Variants in WDR47 observed in about 807,000 individuals in gnomAD.
The protein encoded by WDR47 is WD repeat domain 47.
Under a neutral mutation model 97.2 loss-of-function variants are expected in WDR47, and 32 were observed. The observed-to-expected ratio is 0.33, with a 90% CI of 0.25 to 0.44. The LOEUF is 0.44. Ranked by LOEUF, WDR47 falls within the 20% of genes least tolerant of loss-of-function variation. WDR47 has a pLI of 1.00. For missense variants in WDR47, 782 were observed against 1,102.3 expected (o/e 0.71, Z 4.11); for synonymous variants, 375 against 373.5 (o/e 1.00, Z -0.05).
intron 7 of WDR47, among the ~76,000 whole-genome samples, chr1:109,001,764 T>C (rs938933789): frequency 5.3e-5 from 8 of 151,994 alleles, no homozygotes; most frequent in African/African-American, 1.9e-4. Flanking sequence ...TGGTGGTATA[T>C]GCTGTAGCGC....
At position 109,011,475 on chromosome 1, in the gene WDR47, T is replaced by C; in HGVS notation, c.571A>G (p.Asn191Asp). The C allele has an allele frequency of 6.2e-7, 1 of 1,614,194 alleles. No homozygotes were observed. Among genetic ancestry groups the C allele is most frequent in the Non-Finnish European group, 8.5e-7 (1 of 1,180,044 alleles). ...KLSEAGFKAS[N>D]NRLFQLVMKG... ...ATTACAAGCTGAAATAAACGATTGTTACTAGCCTTAAAACCAGCTTCACTT... is the reference window on the plus strand; with the variant it reads ...ATTACAAGCTGAAATAAACGATTGTCACTAGCCTTAAAACCAGCTTCACTT... Residue 191 changes from asparagine to aspartate, a missense_variant, in exon 5 of 15, where the codon AAC (asparagine) becomes GAC (aspartate). Transcript: ENST00000369962.
At chr1:109,021,972 C>T (rs541042681) in intron 2 of WDR47, among the ~76,000 whole-genome samples, 6 of 151,156 alleles carry the variant, frequency 4.0e-5, no homozygotes, top group African/African-American at 7.3e-5. Flanking sequence ...CTTAGCCTCT[C>T]GAGTAGCTGG....
rs917593148 is a variant in WDR47 at position 108,974,643 on chromosome 1, C to T, written c.2510G>A (p.Ser837Asn). ...AACATCACTGGAATGAGGATGATAACTTTGTACCATTCTTCCTCCTCTTAT... is the reference window on the plus strand; with the variant it reads ...AACATCACTGGAATGAGGATGATAATTTTGTACCATTCTTCCTCCTCTTAT... ...YDIRGGRMVQ[S>N]YHPHSSDVRS... is the part of the protein sequence containing the mutation. The change falls in exon 14 of 15, where the codon AGT becomes AAT. Residue 837 changes from serine to asparagine, a missense_variant. Ser to Asn is a conservative substitution (Grantham distance 46, BLOSUM62 1). This residue lies in a region of WDR47 where 228 missense variants were observed against 396.7 expected (regional missense o/e 0.57). Coordinates refer to ENST00000369962, the MANE Select transcript of WDR47 (RefSeq NM_001142551.2). 6.2e-7 allele frequency: 1 copy of T among 1,614,116 alleles called. No homozygotes were observed. Among genetic ancestry groups the T allele is most frequent in the South Asian group, 1.1e-5 (1 of 91,086 alleles).
chr1:109,010,770 G>C (rs1660982171), intron 5 of WDR47, 146 bp downstream of exon 5: 2 of 758,996 alleles, frequency 2.6e-6, no homozygotes, highest in Non-Finnish European at 4.2e-6. Context: ...TTTTAGTAGA[G>C]ACAGGGTTTC....
intron 8 of WDR47, 123 bp from the exon 9 acceptor site, chr1:108,991,452 T>C: frequency 5.7e-6 from 4 of 698,482 alleles, no homozygotes; most frequent in Non-Finnish European, 7.0e-6. Flanking sequence ...CCAAAGTTAC[T>C]CTCTGGAGAC....
intron 4 of WDR47, among the ~76,000 whole-genome samples, chr1:109,012,794 C>A (rs1471445104): frequency 6.6e-6 from 1 of 152,032 alleles, no homozygotes; most frequent in Non-Finnish European, 1.5e-5. Flanking sequence ...TACACATTTA[C>A]CAAGGTAATT....
chr1:109,024,791 C>G (rs1185263802), intron 1 of WDR47: 1 of 152,268 alleles, frequency 6.6e-6, no homozygotes, highest in Non-Finnish European at 1.5e-5. Context: ...ATATCTTTCT[C>G]ACAGGACCAA....
chr1:108,971,451 G>A lies in WDR47; in HGVS notation c.2739C>T (p.Thr913=). Reference sequence around the variant, plus strand: ...TGCTCTACCCATTGTAAGTCCAGAGGGTGACAGTTCTATCTGCAGAGGATG... The same window carrying A: ...TGCTCTACCCATTGTAAGTCCAGAGAGTGACAGTTCTATCTGCAGAGGATG... The part of the protein sequence containing the change: ...FLSSSADRTV[T]LWTYNG The change falls in exon 15 of 15, where the codon ACC becomes ACT. Residue 913 remains threonine, a synonymous_variant. Coordinates refer to ENST00000369962, the MANE Select transcript of WDR47 (RefSeq NM_001142551.2). 2.5e-6 allele frequency: 4 copies of A among 1,614,140 alleles called. No homozygotes were observed. Among genetic ancestry groups the A allele is most frequent in the Non-Finnish European group, 3.4e-6 (4 of 1,180,026 alleles).
chr1:108,992,967 T>G (rs1477663660), intron 8 of WDR47: 2 of 666,526 alleles, frequency 3.0e-6, no homozygotes. Flanking sequence ...AAAGGGCCCA[T>G]GAAATACCCA....
chr1:109,019,204 G>A (rs982418768), intron 2 of WDR47, among the ~76,000 whole-genome samples: 8 of 151,950 alleles, frequency 5.3e-5, no homozygotes, highest in Non-Finnish European at 1.2e-4. Context: ...CCAACATGGC[G>A]AAACACCATC....
chr1:108,975,866 G>GA (rs968736190), intron 13 of WDR47, among the ~76,000 whole-genome samples: 1 of 152,072 alleles, frequency 6.6e-6, no homozygotes, highest in Non-Finnish European at 1.5e-5. Context: ...TTGAAATACT[G>GA]AAAGAGAAGA....
chr1:109,030,029 T>G (rs1177866793), intron 1 of WDR47: 7 of 422,632 alleles, frequency 1.7e-5, no homozygotes, highest in Non-Finnish European at 2.9e-5. Flanking sequence ...TAATTAAATG[T>G]CCCTTTCTGG....
intron 1 of WDR47, among the ~76,000 whole-genome samples, chr1:109,030,612 C>CAGAAAAGGTAAAGAAAA (rs1274932788): frequency 1.4e-5 from 2 of 142,044 alleles, no homozygotes; most frequent in African/African-American, 2.5e-5. Flanking sequence ...CTTTAATCTT[C>CAGAAAAGGTAAAGAAAA]CAAGTATTAC....
chr1:109,024,479 A>G (rs979602894), intron 1 of WDR47, among the ~76,000 whole-genome samples: 8 of 152,052 alleles, frequency 5.3e-5, no homozygotes, highest in African/African-American at 1.4e-4. Context: ...AAAAAGTGCA[A>G]CTTTAGTCAT....
intron 13 of WDR47, among the ~76,000 whole-genome samples, chr1:108,979,797 C>T (rs74113735): frequency 0.11 from 16,522 of 152,144 alleles, 1,058 homozygotes; most frequent in African/African-American, 0.16. Context: ...ATTATTTTAA[C>T]CAGGGCAATG....
intron 9 of WDR47, among the ~76,000 whole-genome samples, chr1:108,988,016 G>A (rs1658976571): frequency 6.6e-6 from 1 of 151,342 alleles, no homozygotes; most frequent in Non-Finnish European, 1.5e-5. Context: ...TGGGCATATT[G>A]CTTGAGCCCA....
intron 1 of WDR47, among the ~76,000 whole-genome samples, chr1:109,038,435 T>C (rs952170100): frequency 6.6e-5 from 10 of 152,032 alleles, no homozygotes; most frequent in Admixed American, 6.6e-4. Flanking sequence ...TCCCAGCACT[T>C]TGGGAAGCCA....
chr1:109,022,570 G>C (rs1446297497), intron 2 of WDR47, among the ~76,000 whole-genome samples: 1 of 152,010 alleles, frequency 6.6e-6, no homozygotes, highest in East Asian at 1.9e-4. Context: ...GCATTATTTT[G>C]TAAATGTTCC....
At position 109,018,408 on chromosome 1, in the gene WDR47, C is replaced by G. The variant is rs190482601; in HGVS notation, c.159-807G>C. Among the ~76,000 whole-genome samples, 727 of 150,576 alleles carry G rather than the reference C, an allele frequency of 4.8e-3. 9 individuals are homozygous for G. The highest frequency in any genetic ancestry group is 4.6e-3 in the Admixed American group (69 of 15,124). ...CCAAGATCACGCCACTGCACTCTAG[C>G]CTGGGCAACAAAAGAGAGACTCTGT... On this transcript the variant is annotated intron_variant, in intron 2 of 14. Coordinates refer to ENST00000369962, the MANE Select transcript of WDR47 (RefSeq NM_001142551.2).
Sources: gnomAD v4.1 joint callset for allele counts (sites outside exome capture counted in the v4.1 genomes callset) on GRCh38, gnomAD v4.1.1 for gene constraint, gnomAD v4.1.1 regional missense constraint, MANE v1.5 for transcripts, NCBI Gene and HGNC (gene_info 2026-07-23, HGNC 2026-07-21) for gene names.